Variants in PCSK2 observed in about 807,000 individuals in gnomAD.
The protein encoded by PCSK2 is neuroendocrine convertase 2.
Under a neutral mutation model 69.7 loss-of-function variants are expected in PCSK2, and 14 were observed. The ratio of observed to expected loss-of-function variants is 0.20; its 90% CI spans 0.13 to 0.31. The LOEUF (loss-of-function observed/expected upper bound fraction) is 0.31, where lower values mean the gene tolerates loss of function less well. Ranked by LOEUF, PCSK2 falls within the 10% of genes least tolerant of loss-of-function variation. PCSK2 has a pLI of 1.00. For missense variants in PCSK2, 544 were observed against 842.5 expected, an observed-to-expected ratio of 0.65 and a Z score of 4.39; for synonymous variants, 307 against 320.7, an observed-to-expected ratio of 0.96 and a Z score of 0.46.
At chr20:17,481,509 T>A in intron 11 of PCSK2, 75 bp from the exon 12 acceptor site, 2 of 1,437,346 alleles carry the variant, frequency 1.4e-6, no homozygotes, top group South Asian at 1.3e-5. Context: ...TTCCGCCACC[T>A]GAAGCTGCCC....
chr20:17,304,416 T>G (rs910703640), intron 2 of PCSK2, among the ~76,000 whole-genome samples: 17 of 152,206 alleles, frequency 1.1e-4, no homozygotes, highest in African/African-American at 3.9e-4. Flanking sequence ...AGCATAACAT[T>G]CTTTAATCAG....
In PCSK2 at chr20:17,482,820, C is replaced by G. The variant is rs1039424003; in HGVS notation, c.*750C>G. On this transcript the variant is annotated 3_prime_UTR_variant, in exon 12 of 12. Transcript: ENST00000262545. ...TTATGTTAAAATCCGCTAGAGCAGC[C>G]CAAATTTTTCTCAGTTTGTATAGAG... 3 of 152,374 alleles carry G rather than the reference C, an allele frequency of 2.0e-5. No homozygotes were observed. The highest frequency in any genetic ancestry group is 4.4e-5 in the Non-Finnish European group (3 of 68,036). The allele number at this position is 152,374 out of a possible 1,614,324, so 9.4% of individuals were successfully genotyped here.
intron 11 of PCSK2, among the ~76,000 whole-genome samples, chr20:17,469,844 G>A (rs1384827631): frequency 1.3e-5 from 2 of 152,130 alleles, no homozygotes; most frequent in African/African-American, 4.8e-5. Context: ...GGGCTCTCAG[G>A]TATCTCAGTG....
chr20:17,322,412 C>T (rs1171816256), intron 2 of PCSK2, among the ~76,000 whole-genome samples: 1 of 152,084 alleles, frequency 6.6e-6, no homozygotes, highest in African/African-American at 2.4e-5. Flanking sequence ...GTTGAAGGCC[C>T]AACCCCCCTT....
Position 17,482,094 on chromosome 20 carries a change from C to G in PCSK2, c.*24C>G, listed in dbSNP as rs1396800458. The G allele has an allele frequency of 2.6e-6, 4 of 1,529,582 alleles. No individual in the cohort carries two copies. Among genetic ancestry groups the G allele is most frequent in the Non-Finnish European group, 3.5e-6 (4 of 1,140,806 alleles). 94.8% of individuals were successfully genotyped at this position (1,529,582 alleles called of 1,614,324 possible). A position where few individuals can be genotyped will look rare whatever the true frequency, so the allele number is the denominator to read the frequency against. On this transcript the variant is annotated 3_prime_UTR_variant, in exon 12 of 12. Transcript: ENST00000262545. ...AGCGCTGCACATCCGCCTTTCCCAC[C>G]GCCCTCCCTCCCCAGCTCCGCCTCT...
chr20:17,434,858 A>G (rs897031309), intron 7 of PCSK2, among the ~76,000 whole-genome samples: 1 of 152,232 alleles, frequency 6.6e-6, no homozygotes, highest in Non-Finnish European at 1.5e-5. Context: ...GTGACTTTGC[A>G]CAAGAAGAAG....
chr20:17,456,353 C>T lies in PCSK2; in HGVS notation c.1107C>T (p.Thr369=). The change falls in exon 10 of 12, where the codon ACC becomes ACT. Residue 369 remains threonine, a synonymous_variant. Transcript: ENST00000262545. The stretch of plus-strand genomic sequence containing the variant: ...CTCATTATCTTCCCTTCCAGGCAAC[C>T]ACAGATTTGTACGGCAACTGCACTC... ...RKRNPEAGVA[T]TDLYGNCTLR... is the part of the protein sequence containing the mutation. The T allele has an allele frequency of 6.2e-7, 1 of 1,603,008 alleles. No individual in the cohort carries two copies.
intron 8 of PCSK2, among the ~76,000 whole-genome samples, chr20:17,449,772 C>G (rs1164370576): frequency 1.3e-5 from 2 of 151,786 alleles, no homozygotes; most frequent in African/African-American, 4.8e-5. Context: ...GGGGATCCAC[C>G]TGCCTCAGCC....
chr20:17,406,283 A>T lies in PCSK2; in HGVS notation c.544-2980A>T, dbSNP rs565078749. 3.3e-5 allele frequency among the ~76,000 whole-genome samples: 5 copies of T among 152,360 alleles called. No homozygotes were observed. The East Asian group carries it at 9.7e-4, about 29-fold the overall frequency. On this transcript the variant is annotated intron_variant, in intron 5 of 11. Coordinates refer to ENST00000262545, the MANE Select transcript of PCSK2 (RefSeq NM_002594.5). The stretch of plus-strand genomic sequence containing the variant: ...ACAAGCATAAACAGAACGCTTGCAA[A>T]ATATGGTTCCTCCTTGCTAGAAACC...
At chr20:17,384,149 C>A (rs921042282) in intron 5 of PCSK2, among the ~76,000 whole-genome samples, 52 of 152,184 alleles carry the variant, frequency 3.4e-4, no homozygotes, top group African/African-American at 1.2e-3. Context: ...ACCCTCAGTG[C>A]TAGTAATCAT....
At chr20:17,271,062 C>A (rs1357601197) in intron 2 of PCSK2, among the ~76,000 whole-genome samples, 2 of 152,088 alleles carry the variant, frequency 1.3e-5, no homozygotes, top group Non-Finnish European at 2.9e-5. Context: ...GCAATTCTAA[C>A]CAGTTTGTGA....
chr20:17,468,149 C>T (rs750490304), intron 11 of PCSK2, among the ~76,000 whole-genome samples: 2 of 149,706 alleles, frequency 1.3e-5, no homozygotes, highest in Non-Finnish European at 3.0e-5. Context: ...CTGCCATATA[C>T]GGGCAGCCCA....
intron 8 of PCSK2, among the ~76,000 whole-genome samples, chr20:17,448,752 T>C (rs959659179): frequency 3.3e-5 from 5 of 152,174 alleles, no homozygotes; most frequent in African/African-American, 9.7e-5. Flanking sequence ...GGTGGTTAAG[T>C]ACACTCCATA....
intron 2 of PCSK2, among the ~76,000 whole-genome samples, chr20:17,342,818 C>T (rs984895528): frequency 2.6e-5 from 4 of 151,550 alleles, no homozygotes; most frequent in Admixed American, 6.6e-5. Context: ...TTTTCTTTTC[C>T]TTTTTTTCTT....
intron 2 of PCSK2, among the ~76,000 whole-genome samples, chr20:17,347,996 AAGAG>A (rs1990729411): frequency 1.5e-5 from 2 of 129,370 alleles, no homozygotes; most frequent in Non-Finnish European, 3.3e-5. Context: ...AGAGAGAAAA[AAGAG>A]AAAGAAAGAA....
At chr20:17,227,549 T>G in intron 1 of PCSK2, 67 bp downstream of exon 1, 1 of 1,270,940 alleles carries the variant, frequency 7.9e-7, no homozygotes, top group Non-Finnish European at 1.1e-6. Flanking sequence ...CCCTGCGCAA[T>G]CTCATTGCAG....
chr20:17,249,249 GT>G (rs1428288181), intron 1 of PCSK2, among the ~76,000 whole-genome samples: 1 of 152,190 alleles, frequency 6.6e-6, no homozygotes, highest in African/African-American at 2.4e-5. Flanking sequence ...GCTCACGCCT[GT>G]AATCCCAGCA....
At chr20:17,356,858 A>T (rs1009081126) in intron 2 of PCSK2, among the ~76,000 whole-genome samples, 2 of 152,100 alleles carry the variant, frequency 1.3e-5, no homozygotes, top group African/African-American at 4.8e-5. Flanking sequence ...CAAGATTCAA[A>T]TCCTGGGAAA....
chr20:17,336,809 G>C (rs931017799), intron 2 of PCSK2, among the ~76,000 whole-genome samples: 1 of 152,180 alleles, frequency 6.6e-6, no homozygotes, highest in African/African-American at 2.4e-5. Flanking sequence ...AGGGTCGACT[G>C]AAAGCTGAGA....
Sources: gnomAD v4.1 joint callset for allele counts (sites outside exome capture counted in the v4.1 genomes callset) on GRCh38, gnomAD v4.1.1 for gene constraint, MANE v1.5 for transcripts, NCBI Gene and HGNC (gene_info 2026-07-23, HGNC 2026-07-21) for gene names.